Variants in BCO1 observed in about 807,000 individuals in gnomAD.
The protein encoded by BCO1 is beta,beta-carotene 15,15'-dioxygenase.
In BCO1, 54 loss-of-function variants were observed where a neutral mutation model predicts 56.3. The observed-to-expected ratio is 0.96, with a 90% CI of 0.77 to 1.20. The LOEUF (loss-of-function observed/expected upper bound fraction) is 1.20. Among genes scored for constraint, BCO1 ranks in the 50% most tolerant of loss-of-function variants. The probability of loss-of-function intolerance (pLI) is 0.00; values close to 1 mark genes in which losing one functional copy is unlikely to be tolerated. For missense variants in BCO1, 801 were observed against 690.9 expected, an observed-to-expected ratio of 1.16 and a Z score of -1.79; for synonymous variants, 318 against 266.1, an observed-to-expected ratio of 1.20 and a Z score of -1.90.
At chr16:81,263,167 G>A (rs1320933126) in intron 4 of BCO1, 1 of 147,728 alleles carries the variant, frequency 6.8e-6, no homozygotes, top group African/African-American at 2.5e-5. Flanking sequence ...CTGGAGTGCA[G>A]TGGTGCGATC....
At chr16:81,245,749 G>T in intron 2 of BCO1, 146 bp downstream of exon 2, 1 of 1,032,988 alleles carries the variant, frequency 9.7e-7, no homozygotes, top group Non-Finnish European at 1.4e-6. Flanking sequence ...GGTGTTCATA[G>T]GGCCACATTC....
Position 81,278,747 on chromosome 16 carries a change from C to T in BCO1, c.1102-2110C>T, listed in dbSNP as rs59347282. ...CTGCCTTCACCCTCTACCAGCAATGCTCTTGCTTCTGGGCCAAAGAATCAA... is the reference window on the plus strand; with the variant it reads ...CTGCCTTCACCCTCTACCAGCAATGTTCTTGCTTCTGGGCCAAAGAATCAA... On this transcript the variant is annotated intron_variant, in intron 7 of 10. Coordinates refer to ENST00000258168, the MANE Select transcript of BCO1 (RefSeq NM_017429.3). Among the ~76,000 whole-genome samples, 1,498 of 152,270 alleles carry T rather than the reference C, an allele frequency of 9.8e-3. 29 individuals are homozygous for T. Among genetic ancestry groups the T allele is most frequent in the African/African-American group, 0.034 (1,429 of 41,556 alleles).
chr16:81,241,656 C>A (rs1448825657), intron 1 of BCO1, among the ~76,000 whole-genome samples: 2 of 152,180 alleles, frequency 1.3e-5, no homozygotes, highest in African/African-American at 2.4e-5. Context: ...TCCTCTACAT[C>A]AAGCCTCCCT....
chr16:81,249,947 C>T (rs1003440190), intron 2 of BCO1, among the ~76,000 whole-genome samples: 7 of 152,144 alleles, frequency 4.6e-5, no homozygotes, highest in East Asian at 1.9e-4. Context: ...CCCAGAGGGG[C>T]GCTTGGAAAC....
intron 7 of BCO1, among the ~76,000 whole-genome samples, chr16:81,279,509 A>T (rs1312653406): frequency 1.3e-5 from 2 of 152,248 alleles, no homozygotes; most frequent in Non-Finnish European, 2.9e-5. Context: ...GAAGCAGCTG[A>T]CATTCATCTA....
intron 8 of BCO1, among the ~76,000 whole-genome samples, chr16:81,281,414 C>T (rs1486566505): frequency 6.6e-6 from 1 of 152,118 alleles, no homozygotes; most frequent in Non-Finnish European, 1.5e-5. Context: ...CTATTGTACT[C>T]CAGCCTGGGC....
chr16:81,246,850 CAAA>C (rs71710906), intron 2 of BCO1, among the ~76,000 whole-genome samples: 13 of 83,326 alleles, frequency 1.6e-4, no homozygotes, highest in Non-Finnish European at 9.5e-5. Context: ...GACTTTGTCT[CAAA>C]AAAAAAAAAA....
intron 1 of BCO1, among the ~76,000 whole-genome samples, chr16:81,241,119 C>A (rs1024468095): frequency 6.6e-6 from 1 of 152,078 alleles, no homozygotes; most frequent in Non-Finnish European, 1.5e-5. Context: ...TAGGCGTGAA[C>A]CACCATGCCC....
At chr16:81,245,377 C>T in intron 1 of BCO1, 98 bp from the exon 2 acceptor site, 1 of 1,565,760 alleles carries the variant, frequency 6.4e-7, no homozygotes, top group Non-Finnish European at 8.8e-7. Context: ...AGGAGTGGTA[C>T]TGGGACCACA....
chr16:81,280,535 T>A (rs1046606841), intron 7 of BCO1, among the ~76,000 whole-genome samples: 1 of 152,158 alleles, frequency 6.6e-6, no homozygotes, highest in African/African-American at 2.4e-5. Context: ...AGGTGAATCA[T>A]CTAGTACTTT....
chr16:81,268,251 G>A (rs1270619145), intron 6 of BCO1, 120 bp downstream of exon 6: 9 of 921,248 alleles, frequency 9.8e-6, no homozygotes, highest in Non-Finnish European at 1.2e-5. Context: ...GGCTACCAGA[G>A]GCATCTACCC....
At chr16:81,244,092 T>G (rs1240951288) in intron 1 of BCO1, among the ~76,000 whole-genome samples, 1 of 152,212 alleles carries the variant, frequency 6.6e-6, no homozygotes, top group Non-Finnish European at 1.5e-5. Context: ...TCTTCCTGCA[T>G]GTAGGCAAAG....
chr16:81,260,308 G>GAA (rs375264968), intron 3 of BCO1, among the ~76,000 whole-genome samples: 1 of 131,224 alleles, frequency 7.6e-6, no homozygotes. Context: ...AGACTAAGTG[G>GAA]AAAAAAAAAA....
chr16:81,281,790 A>G (rs1907897782), intron 8 of BCO1, among the ~76,000 whole-genome samples: 1 of 152,174 alleles, frequency 6.6e-6, no homozygotes, highest in African/African-American at 2.4e-5. Flanking sequence ...ATGTTTAGCC[A>G]CATCCCTGGC....
intron 7 of BCO1, among the ~76,000 whole-genome samples, chr16:81,274,680 C>G (rs1484897032): frequency 6.6e-6 from 1 of 152,160 alleles, no homozygotes; most frequent in Non-Finnish European, 1.5e-5. Flanking sequence ...GAGTTCAACA[C>G]CAGCCTGGCC....
intron 2 of BCO1, among the ~76,000 whole-genome samples, chr16:81,246,815 C>T (rs1055350482): frequency 2.1e-5 from 3 of 141,928 alleles, no homozygotes; most frequent in East Asian, 4.2e-4. Context: ...TGTGCCACTG[C>T]ACTCCAGCCT....
chr16:81,247,404 T>G (rs1905490045), intron 2 of BCO1, among the ~76,000 whole-genome samples: 1 of 152,226 alleles, frequency 6.6e-6, no homozygotes, highest in Admixed American at 6.5e-5. Context: ...GGCTCATGCC[T>G]GTAATCCCAA....
At chr16:81,255,912 G>A (rs1195048900) in intron 2 of BCO1, among the ~76,000 whole-genome samples, 6 of 151,734 alleles carry the variant, frequency 4.0e-5, no homozygotes, top group South Asian at 2.1e-4. Flanking sequence ...TGCAAGCTCC[G>A]CCTCCCAGGT....
intron 5 of BCO1, among the ~76,000 whole-genome samples, chr16:81,265,065 C>T (rs148260341): frequency 1.3e-3 from 202 of 152,048 alleles, no homozygotes; most frequent in African/African-American, 4.7e-3. Context: ...TCCATCCATC[C>T]ATCATCTATT....
Sources: allele counts gnomAD v4.1 joint callset (sites outside exome capture counted in the v4.1 genomes callset), GRCh38; gene constraint gnomAD v4.1.1; transcripts MANE v1.5; gene names NCBI Gene and HGNC (gene_info 2026-07-23, HGNC 2026-07-21).